The following LYPD6B variants were observed in gnomAD, a reference collection of about 807,000 sequenced individuals.
LYPD6B encodes the protein ly6/PLAUR domain-containing protein 6B.
LYPD6B carries 17 observed loss-of-function variants against 22.8 expected under a neutral mutation model. The observed-to-expected ratio is 0.75, with a 90% CI of 0.51 to 1.12. The LOEUF (loss-of-function observed/expected upper bound fraction) is 1.12. Ranked by LOEUF, LYPD6B falls within the 50% of genes most tolerant of loss-of-function variation. The pLI is 0.00. For synonymous variants in LYPD6B, 106 were observed against 91.6 expected (o/e 1.16, Z -0.90); for missense variants, 221 against 258.3 (o/e 0.86, Z 0.99).
chr2:149,090,053 A>G (rs1051613220), intron 1 of LYPD6B, among the ~76,000 whole-genome samples: 1 of 152,054 alleles, frequency 6.6e-6, no homozygotes, highest in Non-Finnish European at 1.5e-5. Context: ...CCCAAAATCT[A>G]TGGCTCTGCA....
At chr2:149,137,732 A>G (rs1436274118) in intron 2 of LYPD6B, among the ~76,000 whole-genome samples, 1 of 152,222 alleles carries the variant, frequency 6.6e-6, no homozygotes, top group African/African-American at 2.4e-5. Flanking sequence ...CATAAACAAC[A>G]CATCTGTACT....
chr2:149,174,083 T>C (rs1379472042), intron 3 of LYPD6B, among the ~76,000 whole-genome samples: 1 of 152,216 alleles, frequency 6.6e-6, no homozygotes, highest in African/African-American at 2.4e-5. Context: ...CAGTGGTTTG[T>C]AGTTCTCATT....
chr2:149,119,968 A>G (rs984596128), intron 1 of LYPD6B, among the ~76,000 whole-genome samples: 1 of 152,134 alleles, frequency 6.6e-6, no homozygotes, highest in Non-Finnish European at 1.5e-5. Flanking sequence ...TAGCTTTATT[A>G]AATGTACATT....
At chr2:149,039,198 C>G (rs1172515556) in intron 1 of LYPD6B, among the ~76,000 whole-genome samples, 3 of 152,208 alleles carry the variant, frequency 2.0e-5, no homozygotes, top group Admixed American at 6.5e-5. Context: ...GGTTCAAGGC[C>G]GATCGTGGGG....
At chr2:149,052,473 G>A (rs1315849857) in intron 1 of LYPD6B, among the ~76,000 whole-genome samples, 1 of 152,216 alleles carries the variant, frequency 6.6e-6, no homozygotes, top group African/African-American at 2.4e-5. Context: ...ATGAACAGAA[G>A]CAGCCATTTT....
chr2:149,126,536 T>A (rs1345180499), intron 1 of LYPD6B, among the ~76,000 whole-genome samples: 2 of 151,954 alleles, frequency 1.3e-5, no homozygotes, highest in Non-Finnish European at 2.9e-5. Flanking sequence ...CGGATAAAGG[T>A]CCTCATCCTT....
chr2:149,083,934 A>G (rs907332010), intron 1 of LYPD6B, among the ~76,000 whole-genome samples: 4 of 145,524 alleles, frequency 2.7e-5, no homozygotes, highest in South Asian at 2.2e-4. Flanking sequence ...ACAAAAAACA[A>G]CAAAGAACAA....
intron 4 of LYPD6B, among the ~76,000 whole-genome samples, chr2:149,207,198 A>G (rs1693556761): frequency 6.6e-6 from 1 of 152,122 alleles, no homozygotes. Flanking sequence ...CATAGGCAAA[A>G]CTGAAATATA....
chr2:149,100,107 A>C (rs1309005797), intron 1 of LYPD6B, among the ~76,000 whole-genome samples: 2 of 152,168 alleles, frequency 1.3e-5, no homozygotes, highest in African/African-American at 4.8e-5. Context: ...GGCCAGGGGC[A>C]GCTGGGGAGA....
In LYPD6B at chr2:149,061,198, ATTT is replaced by A. The variant is rs56064422; in HGVS notation, c.-67+22411_-67+22413del. ...TCTCAGACTTAGCAGGCTGCAGTGC[ATTT>A]TTTTTTTTTTTTTGAGACAGGGTCT... On this transcript the variant is annotated intron_variant, in intron 1 of 6. Coordinates refer to ENST00000409642, the MANE Select transcript of LYPD6B (RefSeq NM_177964.5). Among the ~76,000 whole-genome samples, 585 of 140,850 alleles carry A rather than the reference ATTT, an allele frequency of 4.2e-3. 7 individuals are homozygous for A. The highest frequency in any genetic ancestry group is 0.014 in the African/African-American group (530 of 39,020). The allele number at this position is 140,850 out of a possible 152,430, so 92.4% of individuals were successfully genotyped here. A position where few individuals can be genotyped will look rare whatever the true frequency, so the allele number is the denominator to read the frequency against.
intron 1 of LYPD6B, among the ~76,000 whole-genome samples, chr2:149,048,623 C>T (rs1683416816): frequency 6.6e-6 from 1 of 152,148 alleles, no homozygotes; most frequent in Admixed American, 6.5e-5. Context: ...AGATTTTGGG[C>T]TAGTTTGTTC....
chr2:149,045,535 T>C (rs1683269432), intron 1 of LYPD6B, among the ~76,000 whole-genome samples: 1 of 152,114 alleles, frequency 6.6e-6, no homozygotes, highest in South Asian at 2.1e-4. Context: ...TATTTAATGC[T>C]ATACATTTCC....
At chr2:149,130,229 T>G (rs1396926706) in intron 1 of LYPD6B, among the ~76,000 whole-genome samples, 1 of 152,192 alleles carries the variant, frequency 6.6e-6, no homozygotes, top group Non-Finnish European at 1.5e-5. Context: ...TCCCCCAGCC[T>G]TTGCTCTTAA....
At chr2:149,073,725 T>G (rs1001429713) in intron 1 of LYPD6B, among the ~76,000 whole-genome samples, 1 of 152,098 alleles carries the variant, frequency 6.6e-6, no homozygotes, top group Non-Finnish European at 1.5e-5. Context: ...AGGTACCTGC[T>G]GGACCATCGC....
intron 6 of LYPD6B, among the ~76,000 whole-genome samples, chr2:149,214,066 AAC>A (rs1694044711): frequency 6.6e-6 from 1 of 152,186 alleles, no homozygotes. Flanking sequence ...ACCACTCAGC[AAC>A]CATAATTAGT....
chr2:149,149,549 G>T (rs1361068883), intron 2 of LYPD6B, among the ~76,000 whole-genome samples: 1 of 152,150 alleles, frequency 6.6e-6, no homozygotes, highest in Admixed American at 6.5e-5. Context: ...CCCTGTAAAA[G>T]ATACAAAGGA....
intron 1 of LYPD6B, among the ~76,000 whole-genome samples, chr2:149,111,594 T>C (rs114109015): frequency 1.8e-3 from 274 of 152,258 alleles, no homozygotes; most frequent in African/African-American, 6.5e-3. Flanking sequence ...AGTTCAGTTT[T>C]GACATGGTGA....
chr2:149,170,353 G>T (rs1690733465), intron 3 of LYPD6B, among the ~76,000 whole-genome samples: 1 of 152,176 alleles, frequency 6.6e-6, no homozygotes, highest in Non-Finnish European at 1.5e-5. Flanking sequence ...CATAGATGAG[G>T]ACTATTGAAA....
chr2:149,131,776 CA>C (rs1165996869), intron 2 of LYPD6B, among the ~76,000 whole-genome samples: 1 of 152,136 alleles, frequency 6.6e-6, no homozygotes, highest in East Asian at 1.9e-4. Context: ...TGAAGAGTCA[CA>C]ATGAAAATTT....
Sources: allele counts gnomAD v4.1 joint callset (sites outside exome capture counted in the v4.1 genomes callset), GRCh38; gene constraint gnomAD v4.1.1; transcripts MANE v1.5; gene names NCBI Gene and HGNC (gene_info 2026-07-23, HGNC 2026-07-21).